The following DOCK8 variants were observed in gnomAD, a reference collection of about 807,000 sequenced individuals.
The protein encoded by DOCK8 is dedicator of cytokinesis protein 8.
DOCK8 carries 141 observed loss-of-function variants against 245.6 expected under a neutral mutation model. The observed-to-expected ratio is 0.57, with a 90% CI of 0.50 to 0.66. The LOEUF (loss-of-function observed/expected upper bound fraction) is 0.66, where lower values mean the gene tolerates loss of function less well. Ranked by LOEUF, DOCK8 falls within the 30% of genes least tolerant of loss-of-function variation. The pLI, the probability that DOCK8 is intolerant of heterozygous loss-of-function variation, is 0.00. For synonymous variants in DOCK8, 1,168 were observed against 970.2 expected (o/e 1.20, Z -3.79); for missense variants, 2,965 against 2,603.4 (o/e 1.14, Z -3.02).
At chr9:442,796 T>G (rs1260416642) in intron 42 of DOCK8, among the ~76,000 whole-genome samples, 1 of 151,336 alleles carries the variant, frequency 6.6e-6, no homozygotes, top group African/African-American at 2.5e-5. Flanking sequence ...GATTCACTCC[T>G]TAGGCTTTCA....
chr9:437,204 G>A (rs1471539011), intron 39 of DOCK8, among the ~76,000 whole-genome samples: 3 of 152,204 alleles, frequency 2.0e-5, no homozygotes, highest in Non-Finnish European at 4.4e-5. Flanking sequence ...GCCTGGAGTA[G>A]CACCTGCCAT....
upstream of DOCK8, chr9:213,432 T>C (rs1440105510): frequency 6.6e-6 from 1 of 152,208 alleles, no homozygotes; most frequent in Non-Finnish European, 1.5e-5. Flanking sequence ...TGTGTAATTT[T>C]ACATTTTTAA....
intron 14 of DOCK8, among the ~76,000 whole-genome samples, chr9:363,470 G>T (rs1301780709): frequency 3.3e-5 from 5 of 152,134 alleles, no homozygotes; most frequent in Admixed American, 6.6e-5. Flanking sequence ...TGGCCATGCA[G>T]GCAGATCTTC....
chr9:342,088 A>T (rs1339561387), intron 14 of DOCK8, among the ~76,000 whole-genome samples: 1 of 152,092 alleles, frequency 6.6e-6, no homozygotes, highest in Non-Finnish European at 1.5e-5. Flanking sequence ...ATTGCAATGT[A>T]ATAATAATAG....
chr9:253,718 C>T (rs989356331), intron 1 of DOCK8, among the ~76,000 whole-genome samples: 3 of 152,158 alleles, frequency 2.0e-5, no homozygotes, highest in Non-Finnish European at 4.4e-5. Context: ...GCTTTGTGCC[C>T]AACATGTGGC....
At chr9:402,079 A>T (rs1488579018) in intron 26 of DOCK8, among the ~76,000 whole-genome samples, 1 of 152,188 alleles carries the variant, frequency 6.6e-6, no homozygotes, top group East Asian at 1.9e-4. Context: ...GATACCCTAG[A>T]TCACCACTGC....
chr9:225,801 A>G (rs567847306), intron 1 of DOCK8, among the ~76,000 whole-genome samples: 1 of 152,294 alleles, frequency 6.6e-6, no homozygotes, highest in Admixed American at 6.5e-5. Flanking sequence ...TTTAGATGGG[A>G]TGGTCAAGGA....
intron 46 of DOCK8, chr9:454,161 T>C (rs1167498388): frequency 6.6e-6 from 1 of 152,214 alleles, no homozygotes; most frequent in African/African-American, 2.4e-5. Context: ...CTTGACTATA[T>C]ACGTGGAAGA....
rs992835889 is a variant in DOCK8 at position 443,333 on chromosome 9, T to G, written c.5491-94T>G. On this transcript the variant is annotated intron_variant, in intron 42 of 47. Transcript: ENST00000432829. ...AATAATCAGTGAACATCATTCTACC[T>G]TGCACTTGCTCCAAACTTATTTCAC... 2.6e-6 allele frequency: 3 copies of G among 1,172,538 alleles called. No individual in the cohort carries two copies. The African/African-American group carries it at 4.5e-5, about 18-fold the overall frequency. The allele number at this position is 1,172,538 out of a possible 1,614,324, so 72.6% of individuals were successfully genotyped here.
At chr9:330,881 G>C (rs957035532) in intron 9 of DOCK8, among the ~76,000 whole-genome samples, 1 of 152,156 alleles carries the variant, frequency 6.6e-6, no homozygotes, top group African/African-American at 2.4e-5. Flanking sequence ...TGAAGTACCT[G>C]GAGTTCTCCT....
intron 35 of DOCK8, 131 bp from the exon 36 acceptor site, chr9:429,571 A>G (rs766993159): frequency 9.4e-6 from 10 of 1,064,594 alleles, no homozygotes; most frequent in Non-Finnish European, 1.4e-5. Context: ...ATAGCTCATT[A>G]TCTTTATGGA....
At position 379,801 on chromosome 9, in the gene DOCK8, T is replaced by C. The variant is rs2053667009; in HGVS notation, c.2471T>C (p.Val824Ala). The C allele has an allele frequency of 6.2e-7, 1 of 1,614,098 alleles. No individual in the cohort carries two copies. The highest frequency in any genetic ancestry group is 1.3e-5 in the African/African-American group (1 of 74,934). ...TTCTCCCAGTTTGCCTTCGAGTCCGTGGTGGCCATCGCCAACAGTCTGCAC... is the reference window on the plus strand; with the variant it reads ...TTCTCCCAGTTTGCCTTCGAGTCCGCGGTGGCCATCGCCAACAGTCTGCAC... ...ANFSQFAFES[V>A]VAIANSLHNS... Residue 824 changes from valine (V) to alanine (A), a missense_variant, in exon 21 of 48, where the codon GTG (valine) becomes GCG (alanine). Val to Ala is a moderately conservative substitution (Grantham distance 64). Coordinates refer to ENST00000432829, the MANE Select transcript of DOCK8 (RefSeq NM_203447.4).
At chr9:318,453 C>T (rs998829112) in intron 7 of DOCK8, among the ~76,000 whole-genome samples, 3 of 152,196 alleles carry the variant, frequency 2.0e-5, no homozygotes, top group African/African-American at 7.2e-5. Flanking sequence ...ACCTTATGGT[C>T]TCAAAATTCC....
At position 278,131 on chromosome 9, in the gene DOCK8, C is replaced by T. The variant is rs114449765; in HGVS notation, c.156+6402C>T. ...AATGGAAGATAAAAGGAAAGAGTGG[C>T]AGGCATTCTGCACACAGAGCAGACG... On this transcript the variant is annotated intron_variant, in intron 2 of 47. Transcript: ENST00000432829. Among the ~76,000 whole-genome samples the T allele has an allele frequency of 4.7e-3, 711 of 152,018 alleles. 10 individuals carry two copies. The highest frequency in any genetic ancestry group is 0.016 in the African/African-American group (677 of 41,478).
chr9:386,307 T>C (rs1447488618), intron 22 of DOCK8, 24 bp from the exon 23 acceptor site: 3 of 1,606,020 alleles, frequency 1.9e-6, no homozygotes, highest in Admixed American at 3.3e-5. Flanking sequence ...GGTTGACTGT[T>C]AAGCCATGGT....
In DOCK8 at chr9:419,206, G is replaced by A. The variant is rs569745780; in HGVS notation, c.3840+999G>A. Among the ~76,000 whole-genome samples, 8 of 152,324 alleles carry A rather than the reference G, an allele frequency of 5.3e-5. No individual in the cohort carries two copies. In the South Asian group the frequency reaches 1.2e-3, roughly 24 times the overall value. On this transcript the variant is annotated intron_variant, in intron 30 of 47. Transcript: ENST00000432829. ...AACTTTCTTCTCCCGTGAGAAAGCA[G>A]CATCCTGACCTAACTCTTCTTGCTG...
At chr9:330,985 T>G (rs1269700217) in intron 9 of DOCK8, among the ~76,000 whole-genome samples, 1 of 152,242 alleles carries the variant, frequency 6.6e-6, no homozygotes, top group Non-Finnish European at 1.5e-5. Flanking sequence ...TACTAGTGCA[T>G]GAAGCCGTGG....
chr9:401,428 G>C (rs1437653187), intron 26 of DOCK8, among the ~76,000 whole-genome samples: 1 of 152,094 alleles, frequency 6.6e-6, no homozygotes, highest in East Asian at 1.9e-4. Context: ...TATAGATCTG[G>C]GTGAGGCTGC....
chr9:436,267 T>G (rs908217111), intron 39 of DOCK8, among the ~76,000 whole-genome samples: 5 of 152,258 alleles, frequency 3.3e-5, no homozygotes, highest in Middle Eastern at 3.2e-3. Flanking sequence ...TTCAGAAATG[T>G]TTGTTATAAA....
Sources: allele counts gnomAD v4.1 joint callset (sites outside exome capture counted in the v4.1 genomes callset), GRCh38; gene constraint gnomAD v4.1.1; transcripts MANE v1.5; gene names NCBI Gene and HGNC (gene_info 2026-07-23, HGNC 2026-07-21).